The following HIBCH variants were observed in gnomAD, a reference collection of about 807,000 sequenced individuals.
HIBCH encodes the protein 3-hydroxyisobutyryl-CoA hydrolase, mitochondrial.
Under a neutral mutation model 58.2 loss-of-function variants are expected in HIBCH, and 50 were observed. That is an observed-to-expected ratio of 0.86 (90% CI 0.68 to 1.09). HIBCH has a LOEUF of 1.09. Ranked by LOEUF, HIBCH falls within the 50% of genes least tolerant of loss-of-function variation. The pLI, the probability that HIBCH is intolerant of heterozygous loss-of-function variation, is 0.00. For synonymous variants in HIBCH, 151 were observed against 146.9 expected, an observed-to-expected ratio of 1.03 and a Z score of -0.20; for missense variants, 450 against 449.7, an observed-to-expected ratio of 1.00 and a Z score of -0.01.
chr2:190,196,002 A>G (rs1242064862), intron 1 of HIBCH, among the ~76,000 whole-genome samples: 1 of 146,724 alleles, frequency 6.8e-6, no homozygotes, highest in Non-Finnish European at 1.5e-5. Context: ...CTCGTTGAAA[A>G]GACTATGTAT....
chr2:190,232,559 C>T (rs1221399833), intron 11 of HIBCH, among the ~76,000 whole-genome samples: 1 of 152,238 alleles, frequency 6.6e-6, no homozygotes, highest in Admixed American at 6.5e-5. Context: ...ACCATCTGTG[C>T]TTTTCCCTTT....
At chr2:190,289,187 G>T (rs1025527205) in intron 5 of HIBCH, among the ~76,000 whole-genome samples, 1 of 151,912 alleles carries the variant, frequency 6.6e-6, no homozygotes, top group South Asian at 2.1e-4. Context: ...AATGTTAAAT[G>T]AGTATACAGC....
rs931329701 is a variant in HIBCH, at chr2:190,204,920, A to G, written c.*197T>C. Reference sequence around the variant, plus strand: ...AAACAGATGAGTATAGCTAGTTCCAATAAAGCTTTATTTGTGAATTCTGAT... The same window carrying G: ...AAACAGATGAGTATAGCTAGTTCCAGTAAAGCTTTATTTGTGAATTCTGAT... On this transcript the variant is annotated 3_prime_UTR_variant, in exon 14 of 14. Transcript: ENST00000359678. The G allele has an allele frequency of 8.5e-6, 5 of 585,060 alleles. No individual in the cohort carries two copies. The highest frequency in any genetic ancestry group is 1.5e-5 in the Non-Finnish European group (5 of 326,992). The allele number at this position is 585,060 out of a possible 1,614,324, so 36.2% of individuals were successfully genotyped here.
chr2:190,240,663 TTG>T (rs1686425245), intron 11 of HIBCH, among the ~76,000 whole-genome samples: 1 of 152,156 alleles, frequency 6.6e-6, no homozygotes, highest in African/African-American at 2.4e-5. Context: ...TTTAGCTGTG[TTG>T]TGATTCTGGT....
downstream of HIBCH, chr2:190,202,814 C>T (rs1338532325): frequency 1.8e-5 from 3 of 167,012 alleles, no homozygotes; most frequent in Non-Finnish European, 4.4e-5. Flanking sequence ...TGTGCAAATT[C>T]CTTATTTACA....
At position 190,306,171 on chromosome 2, in the gene HIBCH, T is replaced by C. The variant is rs1450043893; in HGVS notation, c.78+4583A>G. Among the ~76,000 whole-genome samples, 3 of 151,986 alleles carry C rather than the reference T, an allele frequency of 2.0e-5. No individual in the cohort carries two copies. The highest frequency in any genetic ancestry group is 3.9e-4 in the East Asian group (2 of 5,186). On this transcript the variant is annotated intron_variant, in intron 2 of 13. Transcript: ENST00000359678. The surrounding 1 kb of genome is among the most constrained non-coding windows in gnomAD (Gnocchi z 4.6). Reference sequence around the variant, plus strand: ...AAAGTATAATATAGAACTTAGTCAATTACTATAATGCAAAACTCTTGTAAC... The same window carrying C: ...AAAGTATAATATAGAACTTAGTCAACTACTATAATGCAAAACTCTTGTAAC...
chr2:190,222,945 A>C (rs561972648), intron 11 of HIBCH, among the ~76,000 whole-genome samples: 38 of 152,376 alleles, frequency 2.5e-4, no homozygotes, highest in Middle Eastern at 3.4e-3. Flanking sequence ...GCAGCCATAA[A>C]AAAGGATAAG....
At chr2:190,273,528 C>A (rs1687462468) in intron 6 of HIBCH, among the ~76,000 whole-genome samples, 1 of 152,144 alleles carries the variant, frequency 6.6e-6, no homozygotes, top group Non-Finnish European at 1.5e-5. Flanking sequence ...AGATATCCAT[C>A]CACACTTGGA....
At chr2:190,193,293 C>G (rs1433228451) in intron 1 of HIBCH, among the ~76,000 whole-genome samples, 2 of 151,876 alleles carry the variant, frequency 1.3e-5, no homozygotes, top group Non-Finnish European at 2.9e-5. Context: ...TGGTATAAAT[C>G]CACTCAGTCA....
chr2:190,288,156 CTTTTTTT>C lies in HIBCH; in HGVS notation c.386-525_386-519del, dbSNP rs369704911. 3.7e-3 allele frequency among the ~76,000 whole-genome samples: 523 copies of C among 141,674 alleles called. 8 individuals carry two copies. The highest frequency in any genetic ancestry group is 0.028 in the Admixed American group (400 of 14,120). 92.9% of individuals were successfully genotyped at this position (141,674 alleles called of 152,430 possible). A position where few individuals can be genotyped will look rare whatever the true frequency, so the allele number is the denominator to read the frequency against. On this transcript the variant is annotated intron_variant, in intron 5 of 13. Transcript: ENST00000359678. ...CCTGGGCAACAGACCAAGACCCTAT[CTTTTTTT>C]TTTTTTTTTTTAAAAAAAGGAAGAG...
chr2:190,192,305 T>TGTGGCTA (rs1252365012), intron 1 of HIBCH, among the ~76,000 whole-genome samples: 1 of 152,146 alleles, frequency 6.6e-6, no homozygotes, highest in East Asian at 1.9e-4. Flanking sequence ...TTCATAGGTT[T>TGTGGCTA]GTGGCTAGCC....
chr2:190,239,997 G>A (rs997473569), intron 11 of HIBCH, among the ~76,000 whole-genome samples: 2 of 152,172 alleles, frequency 1.3e-5, no homozygotes, highest in Admixed American at 6.5e-5. Flanking sequence ...TTGGTATCAG[G>A]ATGAGGCTGG....
rs935443864 is a variant in HIBCH, at chr2:190,209,720, C to T, written c.1012-807G>A. Among the ~76,000 whole-genome samples, 6 of 152,198 alleles carry T rather than the reference C, an allele frequency of 3.9e-5. No homozygotes were observed. The highest frequency in any genetic ancestry group is 7.3e-5 in the Non-Finnish European group (5 of 68,042). ...TCCCTTGCATTCCAATTCACATCCC[C>T]TCTTGCCTTCTCAAGGATGGACTTT... On this transcript the variant is annotated intron_variant, in intron 12 of 13. Coordinates refer to ENST00000359678, the MANE Select transcript of HIBCH (RefSeq NM_014362.4). This position sits in a 1 kb window ranked among gnomAD's most constrained non-coding sequence, Gnocchi z 5.6.
downstream of HIBCH, chr2:190,202,116 T>TGC (rs1690262634): frequency 6.0e-6 from 1 of 167,058 alleles, no homozygotes; most frequent in South Asian, 2.1e-4. Context: ...GTTCCTTCTG[T>TGC]GCCCTGGGCC....
intron 6 of HIBCH, among the ~76,000 whole-genome samples, chr2:190,282,146 C>T (rs1687719748): frequency 1.3e-5 from 2 of 152,198 alleles, no homozygotes; most frequent in Admixed American, 6.5e-5. Context: ...TTTCAAGTGT[C>T]TATCCATTAC....
intron 2 of HIBCH, among the ~76,000 whole-genome samples, chr2:190,307,591 C>T (rs116024792): frequency 0.014 from 2,084 of 152,132 alleles, 54 homozygotes; most frequent in African/African-American, 0.046. Context: ...ATCACCTGAG[C>T]CTAGGAGTTC....
intron 6 of HIBCH, among the ~76,000 whole-genome samples, chr2:190,278,651 C>T (rs1392641253): frequency 6.8e-6 from 1 of 147,848 alleles, no homozygotes; most frequent in African/African-American, 2.5e-5. Flanking sequence ...TTTACCTTCA[C>T]ATTGGTAACA....
chr2:190,270,280 T>TTTTAA (rs1553502974), intron 6 of HIBCH, among the ~76,000 whole-genome samples: 1 of 148,252 alleles, frequency 6.7e-6, no homozygotes. Flanking sequence ...TTTTTTTTTT[T>TTTTAA]AAAAAAAAAG....
intron 11 of HIBCH, among the ~76,000 whole-genome samples, chr2:190,223,131 GTT>G (rs1685773590): frequency 6.6e-6 from 1 of 152,164 alleles, no homozygotes; most frequent in Non-Finnish European, 1.5e-5. Flanking sequence ...GGAGTTGGGG[GTT>G]AGGGGAGGGA....
Sources: allele counts gnomAD v4.1 joint callset (sites outside exome capture counted in the v4.1 genomes callset), GRCh38; gene constraint gnomAD v4.1.1; non-coding constraint Gnocchi (gnomAD v3.1); transcripts MANE v1.5; gene names NCBI Gene and HGNC (gene_info 2026-07-23, HGNC 2026-07-21).